Variants in ZBTB7A observed in about 807,000 individuals in gnomAD.
ZBTB7A encodes zinc finger and BTB domain containing 7A.
Under a neutral mutation model 26.7 loss-of-function variants are expected in ZBTB7A, and 7 were observed. The ratio of observed to expected loss-of-function variants is 0.26; its 90% confidence interval spans 0.15 to 0.49. The LOEUF is 0.49. ZBTB7A is among the 20% of genes least tolerant of loss of function. The pLI is 0.98. For missense variants in ZBTB7A, 617 were observed against 919.5 expected, an observed-to-expected ratio of 0.67 and a Z score of 4.25; for synonymous variants, 452 against 441.0, an observed-to-expected ratio of 1.02 and a Z score of -0.31.
chr19:4,047,615 G>GTATA lies in ZBTB7A; in HGVS notation c.*133_*136dup, dbSNP rs541329016. The GTATA allele has an allele frequency of 3.1e-5, 19 of 622,322 alleles. No individual in the cohort carries two copies. Among genetic ancestry groups the GTATA allele is most frequent in the South Asian group, 9.4e-5 (3 of 32,062 alleles). 38.6% of individuals were successfully genotyped at this position (622,322 alleles called of 1,614,324 possible). On this transcript the variant is annotated 3_prime_UTR_variant, in exon 3 of 3. Transcript: ENST00000322357. ...TGTGACGCGTCATATATATATATCT[G>GTATA]TATATATATATATAGATATAGATAT... is the stretch of plus-strand genomic sequence containing the variant.
intron 1 of ZBTB7A, chr19:4,065,382 GC>G (rs2040684509): frequency 3.5e-5 from 5 of 144,138 alleles, no homozygotes; most frequent in Non-Finnish European, 7.7e-5. Context: ...CGCGGCCCCC[GC>G]CCGGCCCGCG....
intron 1 of ZBTB7A, among the ~76,000 whole-genome samples, chr19:4,059,918 T>G (rs944760551): frequency 1.1e-4 from 16 of 152,106 alleles, no homozygotes; most frequent in Non-Finnish European, 1.8e-4. Context: ...AGCCCCACTG[T>G]GCGCCCGACA....
rs1406664078 is a variant in ZBTB7A, at chr19:4,054,382, G to A, written c.851C>T (p.Ser284Leu). The A allele has an allele frequency of 6.1e-5, 87 of 1,426,742 alleles. No individual in the cohort carries two copies. Among genetic ancestry groups the A allele is most frequent in the Non-Finnish European group, 7.6e-5 (84 of 1,102,782 alleles). 88.4% of individuals were successfully genotyped at this position (1,426,742 alleles called of 1,614,324 possible). A position where few individuals can be genotyped will look rare whatever the true frequency, so the allele number is the denominator to read the frequency against. ...GTCGCCCGGCTCGGGGGCCGCCTCC[G>A]ACAGCGAGGCGGCCTCCTCCTCTCC... ...RGGEEEAASL[S>L]EAAPEPGDSP... Residue 284 changes from serine to leucine, a missense_variant, in exon 2 of 3, where the codon TCG (serine) becomes TTG (leucine). By Grantham distance (145) the Ser-to-Leu change is moderately radical. This residue lies in a region of ZBTB7A where 331 missense variants were observed against 391.3 expected (regional missense o/e 0.85). Transcript: ENST00000322357.
Position 4,047,628 on chromosome 19 carries a change from T to G in ZBTB7A, c.*124A>C. On this transcript the variant is annotated 3_prime_UTR_variant, in exon 3 of 3. Coordinates refer to ENST00000322357, the MANE Select transcript of ZBTB7A (RefSeq NM_015898.4). Reference sequence around the variant, plus strand: ...ATATATATATCTGTATATATATATATAGATATAGATATCTGTATATAGATA... The same window carrying G: ...ATATATATATCTGTATATATATATAGAGATATAGATATCTGTATATAGATA... The G allele has an allele frequency of 2.5e-6, 2 of 802,906 alleles. No individual in the cohort carries two copies. The highest frequency in any genetic ancestry group is 3.7e-6 in the Non-Finnish European group (2 of 541,962). 49.7% of individuals were successfully genotyped at this position (802,906 alleles called of 1,614,324 possible).
rs568382332 is a variant in ZBTB7A, at chr19:4,057,121, G to A, written c.-15-1874C>T. Among the ~76,000 whole-genome samples the A allele has an allele frequency of 4.0e-5, 6 of 151,860 alleles. No individual in the cohort carries two copies. The South Asian group carries it at 8.3e-4, about 21-fold the overall frequency. On this transcript the variant is annotated intron_variant, in intron 1 of 2. Coordinates refer to ENST00000322357, the MANE Select transcript of ZBTB7A (RefSeq NM_015898.4). ...CCCAGCACTTTGGGAAGCCAAGGCA[G>A]GCGGATCACCTAAGGTCTGGAGTTC...
In ZBTB7A at chr19:4,054,384, C is replaced by A; in HGVS notation, c.849G>T (p.Leu283=). 7.0e-7 allele frequency: 1 copy of A among 1,423,496 alleles called. No homozygotes were observed. The highest frequency in any genetic ancestry group is 9.1e-7 in the Non-Finnish European group (1 of 1,101,182). 88.2% of individuals were successfully genotyped at this position (1,423,496 alleles called of 1,614,324 possible). A position where few individuals can be genotyped will look rare whatever the true frequency, so the allele number is the denominator to read the frequency against. The change falls in exon 2 of 3, where the codon CTG becomes CTT. Residue 283 remains leucine, a synonymous_variant. Coordinates refer to ENST00000322357, the MANE Select transcript of ZBTB7A (RefSeq NM_015898.4). The stretch of plus-strand genomic sequence containing the variant: ...CGCCCGGCTCGGGGGCCGCCTCCGA[C>A]AGCGAGGCGGCCTCCTCCTCTCCGC... The part of the protein sequence containing the change: ...GRGGEEEAAS[L]SEAAPEPGDS...
chr19:4,064,487 C>CT (rs1396075036), intron 1 of ZBTB7A, among the ~76,000 whole-genome samples: 1 of 152,252 alleles, frequency 6.6e-6, no homozygotes, highest in South Asian at 2.1e-4. Flanking sequence ...CAGGGCTGGG[C>CT]TTAGGCCTGG....
In ZBTB7A at chr19:4,047,656, T is replaced by G; in HGVS notation, c.*96A>C. On this transcript the variant is annotated 3_prime_UTR_variant, in exon 3 of 3. Coordinates refer to ENST00000322357, the MANE Select transcript of ZBTB7A (RefSeq NM_015898.4). ...ATATAGATATCTGTATATAGATAGA[T>G]TTTCTTTTTTTGTGTTTTTGGGGGG... is the stretch of plus-strand genomic sequence containing the variant. The G allele has an allele frequency of 3.1e-5, 40 of 1,289,410 alleles. No individual in the cohort carries two copies. The highest frequency in any genetic ancestry group is 4.7e-5 in the African/African-American group (3 of 64,384). 79.9% of individuals were successfully genotyped at this position (1,289,410 alleles called of 1,614,324 possible). A position where few individuals can be genotyped will look rare whatever the true frequency, so the allele number is the denominator to read the frequency against.
chr19:4,062,446 T>A (rs2040649024), intron 1 of ZBTB7A, among the ~76,000 whole-genome samples: 2 of 152,104 alleles, frequency 1.3e-5, no homozygotes, highest in African/African-American at 4.8e-5. Flanking sequence ...CCCACAGCGC[T>A]GGAAGGCAGG....
At position 4,048,519 on chromosome 19, in the gene ZBTB7A, CT is replaced by C. The variant is rs2040454044; in HGVS notation, c.1263-276del. Among the ~76,000 whole-genome samples the C allele has an allele frequency of 6.6e-6, 1 of 152,112 alleles. No homozygotes were observed. Among genetic ancestry groups the C allele is most frequent in the South Asian group, 2.1e-4 (1 of 4,818 alleles). On this transcript the variant is annotated intron_variant, in intron 2 of 2. Transcript: ENST00000322357. The surrounding 1 kb of genome is among the most constrained non-coding windows in gnomAD (Gnocchi z 6.7). ...GCCTCTCTGAACCCCGTTTCCTTTC[CT>C]TTTTTAACTTTTTAAGAGACAAAGT... is the stretch of plus-strand genomic sequence containing the variant.
chr19:4,050,608 C>T (rs916864870), intron 2 of ZBTB7A, among the ~76,000 whole-genome samples: 4 of 152,080 alleles, frequency 2.6e-5, no homozygotes, highest in Non-Finnish European at 5.9e-5. Flanking sequence ...AACTGATGTG[C>T]GCTGGAAGTG....
chr19:4,064,389 C>T lies in ZBTB7A; in HGVS notation c.-16+2293G>A, dbSNP rs190232923. Among the ~76,000 whole-genome samples the T allele has an allele frequency of 1.7e-3, 257 of 152,356 alleles. 5 individuals carry two copies. Among genetic ancestry groups the T allele is most frequent in the African/African-American group, 6.0e-3 (249 of 41,594 alleles). On this transcript the variant is annotated intron_variant, in intron 1 of 2. Coordinates refer to ENST00000322357, the MANE Select transcript of ZBTB7A (RefSeq NM_015898.4). ...GCTGGTGGTAAACAGAGGCCCCGGC[C>T]CCGCCGATAGGTGCTCTCGGGGCCC...
rs760323797 is a variant in ZBTB7A, at chr19:4,055,261, GA to G, written c.-15-15del. On this transcript the variant is annotated splice_polypyrimidine_tract_variant and intron_variant, in intron 1 of 2. Coordinates refer to ENST00000322357, the MANE Select transcript of ZBTB7A (RefSeq NM_015898.4). The stretch of plus-strand genomic sequence containing the variant: ...CCGCGCCGAGACCTGCAGCAGTGGG[GA>G]AGGAGAGGGCGCTCGTGAGTGGGGG... The G allele has an allele frequency of 4.1e-6, 6 of 1,457,192 alleles. No homozygotes were observed. Among genetic ancestry groups the G allele is most frequent in the Non-Finnish European group, 5.4e-6 (6 of 1,106,312 alleles). The allele number at this position is 1,457,192 out of a possible 1,614,324, so 90.3% of individuals were successfully genotyped here. A position where few individuals can be genotyped will look rare whatever the true frequency, so the allele number is the denominator to read the frequency against.
At position 4,053,976 on chromosome 19, in the gene ZBTB7A, G is replaced by A. The variant is rs138413340; in HGVS notation, c.1257C>T (p.Phe419=). ...CCCCGCGGCGGGCAGCTCACCTGGT[G>A]AAGCGGACCTTGCAGATGTTGCACT... ...PYECNICKVR[F]TRQDKLKVHM... Residue 419 remains phenylalanine, a synonymous_variant, in exon 2 of 3, where the codon TTC becomes TTT. Coordinates refer to ENST00000322357, the MANE Select transcript of ZBTB7A (RefSeq NM_015898.4). 2.3e-3 allele frequency: 3,604 copies of A among 1,599,414 alleles called. 9 individuals are homozygous for A. Among genetic ancestry groups the A allele is most frequent in the Admixed American group, 3.1e-3 (185 of 59,436 alleles).
At chr19:4,050,259 C>A (rs2040486792) in intron 2 of ZBTB7A, among the ~76,000 whole-genome samples, 1 of 152,188 alleles carries the variant, frequency 6.6e-6, no homozygotes, top group African/African-American at 2.4e-5. Context: ...AGGGTTTTCA[C>A]CATGTTGGCT....
At chr19:4,065,105 C>G (rs2040678953) in intron 1 of ZBTB7A, among the ~76,000 whole-genome samples, 3 of 151,632 alleles carry the variant, frequency 2.0e-5, no homozygotes, top group Admixed American at 6.5e-5. Flanking sequence ...ATCCCACCAG[C>G]TCCCCCCTCC....
At chr19:4,063,875 C>T (rs1423283151) in intron 1 of ZBTB7A, among the ~76,000 whole-genome samples, 2 of 152,226 alleles carry the variant, frequency 1.3e-5, no homozygotes, top group Non-Finnish European at 2.9e-5. Flanking sequence ...CTTGCTCTAA[C>T]CTCCGGAGTT....
rs116751742 is a variant in ZBTB7A, at chr19:4,058,054, C to T, written c.-15-2807G>A. Reference sequence around the variant, plus strand: ...AGGAAGGGGTGTGGCAGCCCAGGCACGGGGACCCAGTGCCGAAACCCAGCT... The same window carrying T: ...AGGAAGGGGTGTGGCAGCCCAGGCATGGGGACCCAGTGCCGAAACCCAGCT... On this transcript the variant is annotated intron_variant, in intron 1 of 2. Transcript: ENST00000322357. Among the ~76,000 whole-genome samples the T allele has an allele frequency of 1.8e-3, 274 of 152,282 alleles. 1 individual carries two copies. Among genetic ancestry groups the T allele is most frequent in the African/African-American group, 6.0e-3 (249 of 41,568 alleles).
rs1027982411 is a variant in ZBTB7A, at chr19:4,051,312, C to T, written c.1262+2659G>A. ...CCTCGGGTTTCTTCCTTCTCACACTCAATAGACTGAAGACTTCTTTAGTGT... is the reference window on the plus strand; with the variant it reads ...CCTCGGGTTTCTTCCTTCTCACACTTAATAGACTGAAGACTTCTTTAGTGT... On this transcript the variant is annotated intron_variant, in intron 2 of 2. Transcript: ENST00000322357. 5.9e-5 allele frequency among the ~76,000 whole-genome samples: 9 copies of T among 152,182 alleles called. No homozygotes were observed. The East Asian group carries it at 1.5e-3, about 26-fold the overall frequency.
Sources: allele counts gnomAD v4.1 joint callset (sites outside exome capture counted in the v4.1 genomes callset), GRCh38; gene constraint gnomAD v4.1.1; regional missense constraint gnomAD v4.1.1; non-coding constraint Gnocchi (gnomAD v3.1); transcripts MANE v1.5; gene names NCBI Gene and HGNC (gene_info 2026-07-23, HGNC 2026-07-21).